CD55: variants seen among roughly 807,000 people sequenced by gnomAD.
The protein encoded by CD55 is complement decay-accelerating factor.
In CD55, 41 loss-of-function variants were observed where a neutral mutation model predicts 45.8. The observed-to-expected ratio is 0.90, with a 90% CI of 0.70 to 1.16. The LOEUF is 1.16. Among genes scored for constraint, CD55 ranks in the 50% most tolerant of loss-of-function variants. The probability of loss-of-function intolerance (pLI) is 0.00; values close to 1 mark genes in which losing one functional copy is unlikely to be tolerated. For synonymous variants in CD55, 181 were observed against 181.1 expected (o/e 1.00, Z 0.01); for missense variants, 416 against 469.8 (o/e 0.89, Z 1.06).
chr1:207,353,566 C>T (rs2102442008), intron 9 of CD55, among the ~76,000 whole-genome samples: 1 of 152,044 alleles, frequency 6.6e-6, no homozygotes, highest in Admixed American at 6.6e-5. Context: ...ATTACATGCC[C>T]CTATACATGA....
intron 9 of CD55, among the ~76,000 whole-genome samples, chr1:207,353,638 G>A (rs1271313091): frequency 6.6e-6 from 1 of 152,106 alleles, no homozygotes; most frequent in East Asian, 1.9e-4. Context: ...GTTTAAGTCA[G>A]ATAATATAAT....
intron 8 of CD55, among the ~76,000 whole-genome samples, chr1:207,338,067 A>T (rs569355682): frequency 1.0e-3 from 154 of 152,304 alleles, no homozygotes; most frequent in Non-Finnish European, 1.8e-3. Flanking sequence ...ATTTTTAAGA[A>T]TTTAAACATT....
At chr1:207,332,139 C>T (rs924421465) in intron 6 of CD55, among the ~76,000 whole-genome samples, 16 of 151,992 alleles carry the variant, frequency 1.1e-4, no homozygotes, top group Admixed American at 7.2e-4. Context: ...TATCACTAGT[C>T]CTACTCGGAG....
chr1:207,358,685 TA>T (rs893616817), intron 9 of CD55: 5 of 152,220 alleles, frequency 3.3e-5, no homozygotes, highest in African/African-American at 9.6e-5. Flanking sequence ...TACCCTTGGC[TA>T]GGGGGTTCTT....
intron 9 of CD55, among the ~76,000 whole-genome samples, chr1:207,342,320 A>G (rs1415969000): frequency 1.3e-5 from 2 of 152,178 alleles, no homozygotes; most frequent in African/African-American, 4.8e-5. Flanking sequence ...AATGGAAACT[A>G]GGGCTTACAG....
At chr1:207,336,953 AC>A in intron 7 of CD55, 135 bp downstream of exon 7, 2 of 939,856 alleles carry the variant, frequency 2.1e-6, no homozygotes, top group Non-Finnish European at 3.3e-6. Context: ...TTAGAAACCC[AC>A]CACAATAAAT....
chr1:207,321,817 C>G lies in CD55; in HGVS notation c.52C>G (p.Leu18Val). 1 of 1,529,024 alleles carries G rather than the reference C, an allele frequency of 6.5e-7. No homozygotes were observed. Among genetic ancestry groups the G allele is most frequent in the Middle Eastern group, 2.2e-4 (1 of 4,478 alleles). 94.7% of individuals were successfully genotyped at this position (1,529,024 alleles called of 1,614,324 possible). A position where few individuals can be genotyped will look rare whatever the true frequency, so the allele number is the denominator to read the frequency against. ...VPAALPLLGE[L>V]PRLLLLVLLC... ...CGCGGCGCTGCCCCTCCTCGGGGAG[C>G]TGCCCCGGCTGCTGCTGCTGGTGCT... The change falls in exon 1 of 10, where the codon CTG (leucine) becomes GTG (valine). Residue 18 changes from leucine (L) to valine (V), a missense_variant. Physicochemically the swap from Leu to Val is conservative, Grantham distance 32. Transcript: ENST00000367064.
At chr1:207,343,043 C>A (rs1214077374) in intron 9 of CD55, among the ~76,000 whole-genome samples, 1 of 151,994 alleles carries the variant, frequency 6.6e-6, no homozygotes, top group African/African-American at 2.4e-5. Flanking sequence ...TGTAATGTCT[C>A]TTTTTTCATT....
chr1:207,338,317 T>A (rs999792978), intron 8 of CD55, among the ~76,000 whole-genome samples: 2 of 152,206 alleles, frequency 1.3e-5, no homozygotes, highest in Non-Finnish European at 2.9e-5. Context: ...TTGATTAATT[T>A]AGATTTACTA....
intron 3 of CD55, 84 bp from the exon 4 acceptor site, chr1:207,325,538 A>G: frequency 2.7e-6 from 2 of 730,086 alleles, no homozygotes; most frequent in Non-Finnish European, 4.6e-6. Flanking sequence ...GCTAATTAAC[A>G]TATCTACCAC....
intron 7 of CD55, 150 bp from the exon 8 acceptor site, chr1:207,337,179 C>T: frequency 1.6e-6 from 1 of 637,500 alleles, no homozygotes; most frequent in Non-Finnish European, 2.8e-6. Flanking sequence ...GCTTCTGCTA[C>T]ACAGGCCACA....
At position 207,337,438 on chromosome 1, in the gene CD55, G is replaced by A. The variant is rs747108367; in HGVS notation, c.1060+29G>A. Reference sequence around the variant, plus strand: ...AGTTGACACTGTTCAGGTTTACTGAGTATGGATCTAATGTGCTATGGTGGA... The same window carrying A: ...AGTTGACACTGTTCAGGTTTACTGAATATGGATCTAATGTGCTATGGTGGA... On this transcript the variant is annotated intron_variant, in intron 8 of 9. Transcript: ENST00000367064. The A allele has an allele frequency of 4.2e-6, 5 of 1,187,118 alleles. No individual in the cohort carries two copies. The East Asian group carries it at 1.2e-4, about 28-fold the overall frequency. The allele number at this position is 1,187,118 out of a possible 1,614,324, so 73.5% of individuals were successfully genotyped here. A position where few individuals can be genotyped will look rare whatever the true frequency, so the allele number is the denominator to read the frequency against.
rs1656264647 is a variant in CD55 at position 207,360,686 on chromosome 1, T to A, written c.*1076T>A. Reference sequence around the variant, plus strand: ...CATGTCATATCCTTTCCTATTAGAGTATCTATATTACTTGTTACTGATTTA... The same window carrying A: ...CATGTCATATCCTTTCCTATTAGAGAATCTATATTACTTGTTACTGATTTA... On this transcript the variant is annotated 3_prime_UTR_variant, in exon 10 of 10. Transcript: ENST00000367064. The A allele has an allele frequency of 1.3e-5, 2 of 152,144 alleles. 1 individual carries two copies. The highest frequency in any genetic ancestry group is 4.8e-5 in the African/African-American group (2 of 41,418). 9.4% of individuals were successfully genotyped at this position (152,144 alleles called of 1,614,324 possible).
chr1:207,358,064 T>TTTGAA (rs1215990179), intron 9 of CD55, among the ~76,000 whole-genome samples: 2 of 152,178 alleles, frequency 1.3e-5, no homozygotes, highest in Admixed American at 1.3e-4. Flanking sequence ...ATGTATTTGT[T>TTTGAA]TTGAATTGTA....
At chr1:207,356,157 G>A (rs746399348) in intron 9 of CD55, among the ~76,000 whole-genome samples, 20 of 151,994 alleles carry the variant, frequency 1.3e-4, no homozygotes, top group South Asian at 2.1e-4. Flanking sequence ...TTTCTTGCTG[G>A]TACTCTATTA....
Position 207,337,366 on chromosome 1 carries a change from T to C in CD55, c.1017T>C (p.His339=), listed in dbSNP as rs751077188. 2 of 1,612,054 alleles carry C rather than the reference T, an allele frequency of 1.2e-6. No homozygotes were observed. Among genetic ancestry groups the C allele is most frequent in the Non-Finnish European group, 1.7e-6 (2 of 1,178,158 alleles). Residue 339 remains histidine, a synonymous_variant, in exon 8 of 10, where the codon CAT becomes CAC. Transcript: ENST00000367064. The part of the protein sequence containing the change: ...RSTPVSRTTK[H]FHETTPNKGS... ...CACCTGTTTCCAGGACAACCAAGCA[T>C]TTTCATGAAACAACCCCAAATAAAG...
chr1:207,346,959 A>T (rs925748892), intron 9 of CD55, among the ~76,000 whole-genome samples: 1 of 151,654 alleles, frequency 6.6e-6, no homozygotes, highest in African/African-American at 2.4e-5. Context: ...TCTCTCACTT[A>T]CTCTTTTCCT....
Position 207,324,782 on chromosome 1 carries a change from A to G in CD55, c.478+32A>G, listed in dbSNP as rs747294755. On this transcript the variant is annotated intron_variant, in intron 3 of 9. Coordinates refer to ENST00000367064, the MANE Select transcript of CD55 (RefSeq NM_000574.5). ...AAAATTTTTTAAAGTATTTTCAACC[A>G]TCTGGTGTTTGGGGGAAATAGTATC... The G allele has an allele frequency of 4.2e-6, 6 of 1,420,488 alleles. No homozygotes were observed. The South Asian group carries it at 7.3e-5, about 17-fold the overall frequency. 88.0% of individuals were successfully genotyped at this position (1,420,488 alleles called of 1,614,324 possible). A position where few individuals can be genotyped will look rare whatever the true frequency, so the allele number is the denominator to read the frequency against.
chr1:207,339,632 A>G (rs998714090), intron 9 of CD55, among the ~76,000 whole-genome samples: 3 of 152,168 alleles, frequency 2.0e-5, no homozygotes, highest in Non-Finnish European at 4.4e-5. Flanking sequence ...GCAATTTTCA[A>G]CTCATGGATA....
Sources: allele counts gnomAD v4.1 joint callset (sites outside exome capture counted in the v4.1 genomes callset), GRCh38; gene constraint gnomAD v4.1.1; transcripts MANE v1.5; gene names NCBI Gene and HGNC (gene_info 2026-07-23, HGNC 2026-07-21).